The following CDH18 variants were observed in gnomAD, a reference collection of about 807,000 sequenced individuals.
CDH18 encodes the protein cadherin 18.
In CDH18, 31 loss-of-function variants were observed where a neutral mutation model predicts 67.9. That is an observed-to-expected ratio of 0.46 (90% CI 0.34 to 0.62). CDH18 has a LOEUF of 0.62. Ranked by LOEUF, CDH18 falls within the 20% of genes least tolerant of loss-of-function variation. CDH18 has a pLI of 0.01. For synonymous variants in CDH18, 362 were observed against 347.2 expected (o/e 1.04, Z -0.48); for missense variants, 890 against 975.5 (o/e 0.91, Z 1.17).
At chr5:19,618,709 C>A (rs930034388) in intron 5 of CDH18, among the ~76,000 whole-genome samples, 1 of 152,064 alleles carries the variant, frequency 6.6e-6, no homozygotes, top group Non-Finnish European at 1.5e-5. Flanking sequence ...GGCAGTGGGT[C>A]CCAGGCATAA....
At chr5:20,340,699 G>A (rs1239053074) in intron 1 of CDH18, among the ~76,000 whole-genome samples, 1 of 152,200 alleles carries the variant, frequency 6.6e-6, no homozygotes, top group Non-Finnish European at 1.5e-5. Flanking sequence ...GGTGATTCTG[G>A]AGGTTGAAGG....
intron 1 of CDH18, among the ~76,000 whole-genome samples, chr5:20,365,161 G>A (rs1206761578): frequency 6.6e-6 from 1 of 152,126 alleles, no homozygotes; most frequent in Admixed American, 6.6e-5. Context: ...GCATGGTTGG[G>A]TTCTGATATG....
intron 1 of CDH18, among the ~76,000 whole-genome samples, chr5:20,324,385 A>G (rs1738343573): frequency 6.6e-6 from 1 of 152,070 alleles, no homozygotes; most frequent in African/African-American, 2.4e-5. Flanking sequence ...TAAAAAATAC[A>G]AAAAAATTAG....
chr5:20,357,875 G>A (rs746045752), intron 1 of CDH18, among the ~76,000 whole-genome samples: 2 of 151,976 alleles, frequency 1.3e-5, no homozygotes, highest in East Asian at 1.9e-4. Context: ...ATTTGCAATA[G>A]CAAAGACATG....
intron 1 of CDH18, among the ~76,000 whole-genome samples, chr5:20,395,241 C>G (rs541031596): frequency 6.6e-6 from 1 of 152,244 alleles, no homozygotes; most frequent in South Asian, 2.1e-4. Context: ...ACATATACAC[C>G]ACTGAATACT....
chr5:19,724,556 A>T (rs1766554567), intron 4 of CDH18, among the ~76,000 whole-genome samples: 1 of 151,932 alleles, frequency 6.6e-6, no homozygotes. Flanking sequence ...TATACAAGTA[A>T]ATCTAGGGAA....
At chr5:20,281,287 CT>C (rs1466233541) in intron 1 of CDH18, among the ~76,000 whole-genome samples, 8 of 152,136 alleles carry the variant, frequency 5.3e-5, no homozygotes, top group Admixed American at 4.6e-4. Flanking sequence ...TTGCCCATGC[CT>C]ATGTCCTGAA....
intron 5 of CDH18, among the ~76,000 whole-genome samples, chr5:19,664,945 A>T (rs994070830): frequency 8.6e-5 from 13 of 152,010 alleles, no homozygotes; most frequent in African/African-American, 2.7e-4. Context: ...TCATGAATAT[A>T]TTTGAAATAA....
At chr5:19,840,748 T>C (rs1186895043) in intron 2 of CDH18, among the ~76,000 whole-genome samples, 1 of 152,112 alleles carries the variant, frequency 6.6e-6, no homozygotes, top group African/African-American at 2.4e-5. Context: ...TATAAGCTTA[T>C]TTAAAGAATA....
At chr5:20,480,166 T>C (rs978313726) in intron 1 of CDH18, among the ~76,000 whole-genome samples, 4 of 152,088 alleles carry the variant, frequency 2.6e-5, no homozygotes, top group African/African-American at 9.7e-5. Flanking sequence ...TAAAATAATA[T>C]TTATGAGCAA....
chr5:19,585,859 T>C (rs904705014), intron 7 of CDH18, among the ~76,000 whole-genome samples: 1 of 152,166 alleles, frequency 6.6e-6, no homozygotes, highest in Non-Finnish European at 1.5e-5. Context: ...CTCTCTCCAT[T>C]GTAGCAAAGA....
Position 20,557,365 on chromosome 5 carries a change from A to G in CDH18, c.-580+18097T>C, listed in dbSNP as rs183069468. Among the ~76,000 whole-genome samples, 7 of 152,266 alleles carry G rather than the reference A, an allele frequency of 4.6e-5. No individual in the cohort carries two copies. In the East Asian group the frequency reaches 1.2e-3, roughly 25 times the overall value. On this transcript the variant is annotated intron_variant, in intron 1 of 14. Coordinates refer to the CDH18 transcript ENST00000507958. ...ATGGTTACATGAAAACATGGTGTTC[A>G]GATAAAAATAGTGGAAAAAATAAAT...
chr5:19,992,366 G>A (rs1366724251), upstream of CDH18, among the ~76,000 whole-genome samples: 3 of 149,854 alleles, frequency 2.0e-5, no homozygotes, highest in Admixed American at 6.7e-5. Context: ...AGGACACTGA[G>A]TTCCAAAATA....
chr5:20,213,114 G>A (rs561976845), intron 2 of CDH18, among the ~76,000 whole-genome samples: 1 of 152,206 alleles, frequency 6.6e-6, no homozygotes, highest in East Asian at 1.9e-4. Flanking sequence ...GATTAAAAGT[G>A]TATATACAAC....
At chr5:19,640,259 T>G in intron 5 of CDH18, among the ~76,000 whole-genome samples, 1 of 152,122 alleles carries the variant, frequency 6.6e-6, no homozygotes, top group East Asian at 1.9e-4. Context: ...TAAAAACTAA[T>G]CATTAAAATA....
intron 2 of CDH18, among the ~76,000 whole-genome samples, chr5:19,977,112 C>A (rs1234604260): frequency 6.6e-6 from 1 of 151,842 alleles, no homozygotes; most frequent in East Asian, 1.9e-4. Flanking sequence ...TGACTTGTTA[C>A]AATAAACACC....
chr5:19,639,001 T>TTTTGTTTG (rs70950079), intron 5 of CDH18, among the ~76,000 whole-genome samples: 14 of 88,216 alleles, frequency 1.6e-4, no homozygotes, highest in African/African-American at 3.5e-4. Flanking sequence ...TTTTTTTTTT[T>TTTTGTTTG]TTTGTTTGTT....
At chr5:19,648,536 A>G (rs1287261820) in intron 5 of CDH18, among the ~76,000 whole-genome samples, 1 of 152,170 alleles carries the variant, frequency 6.6e-6, no homozygotes, top group Non-Finnish European at 1.5e-5. Context: ...TTGTTTTCAA[A>G]TTCAACTTTT....
At chr5:19,752,751 A>C (rs1771020923) in intron 3 of CDH18, among the ~76,000 whole-genome samples, 1 of 152,106 alleles carries the variant, frequency 6.6e-6, no homozygotes, top group Non-Finnish European at 1.5e-5. Flanking sequence ...TAAACCACCA[A>C]AGTTAAGAAC....
Sources: gnomAD v4.1 joint callset for allele counts (sites outside exome capture counted in the v4.1 genomes callset) on GRCh38, gnomAD v4.1.1 for gene constraint, MANE v1.5 for transcripts, NCBI Gene and HGNC (gene_info 2026-07-23, HGNC 2026-07-21) for gene names.